ADARB2: variants seen among roughly 807,000 people sequenced by gnomAD.
ADARB2 encodes adenosine deaminase RNA specific B2 (inactive).
ADARB2 carries 25 observed loss-of-function variants against 62.2 expected under a neutral mutation model. The observed-to-expected ratio is 0.40, with a 90% CI of 0.29 to 0.56. The LOEUF (loss-of-function observed/expected upper bound fraction) is 0.56. Ranked by LOEUF, ADARB2 falls within the 20% of genes least tolerant of loss-of-function variation. The pLI is 0.43. For missense variants in ADARB2, 1,071 were observed against 1,077.4 expected (o/e 0.99, Z 0.08); for synonymous variants, 572 against 500.8 (o/e 1.14, Z -1.90).
chr10:1,563,156 TC>T (rs1321098720), intron 1 of ADARB2, among the ~76,000 whole-genome samples: 1 of 151,906 alleles, frequency 6.6e-6, no homozygotes, highest in Non-Finnish European at 1.5e-5. Context: ...ACATGTGACC[TC>T]CCGCACCCTT....
At chr10:1,266,325 C>G (rs536881516) in intron 4 of ADARB2, among the ~76,000 whole-genome samples, 10 of 152,242 alleles carry the variant, frequency 6.6e-5, no homozygotes, top group Non-Finnish European at 1.3e-4. Context: ...ATAGGGCTCA[C>G]TGGATTATTT....
At chr10:1,296,181 C>G (rs1831521516) in intron 3 of ADARB2, among the ~76,000 whole-genome samples, 1 of 152,208 alleles carries the variant, frequency 6.6e-6, no homozygotes, top group Non-Finnish European at 1.5e-5. Context: ...GTCCCACTGG[C>G]CTAAGCAGGA....
intron 1 of ADARB2, among the ~76,000 whole-genome samples, chr10:1,402,105 A>G (rs995966384): frequency 6.6e-6 from 1 of 152,200 alleles, no homozygotes; most frequent in African/African-American, 2.4e-5. Flanking sequence ...CTGGGGTGTC[A>G]TGAGGCCTGG....
chr10:1,472,833 G>A (rs908999297), intron 1 of ADARB2, among the ~76,000 whole-genome samples: 1 of 152,200 alleles, frequency 6.6e-6, no homozygotes, highest in African/African-American at 2.4e-5. Flanking sequence ...GGGCAGGAGA[G>A]GGCTCCCACA....
chr10:1,699,231 C>T lies in ADARB2; in HGVS notation c.100+37820G>A, dbSNP rs190504186. On this transcript the variant is annotated intron_variant, in intron 1 of 9. Transcript: ENST00000381312. ...AATCCCACTCTACCAGGAGACCAGGCGCTCGCCAATACACTCAATCCCACT... is the reference window on the plus strand; with the variant it reads ...AATCCCACTCTACCAGGAGACCAGGTGCTCGCCAATACACTCAATCCCACT... 3.4e-4 allele frequency among the ~76,000 whole-genome samples: 51 copies of T among 147,966 alleles called. 1 individual carries two copies. The highest frequency in any genetic ancestry group is 1.1e-3 in the South Asian group (5 of 4,526).
At chr10:1,596,824 A>G (rs1462772665) in intron 1 of ADARB2, among the ~76,000 whole-genome samples, 1 of 152,226 alleles carries the variant, frequency 6.6e-6, no homozygotes. Flanking sequence ...GGTGTCCCGC[A>G]GCAGGAGGGA....
At chr10:1,232,321 C>T (rs192629350) in intron 6 of ADARB2, among the ~76,000 whole-genome samples, 16 of 152,058 alleles carry the variant, frequency 1.1e-4, no homozygotes, top group African/African-American at 3.6e-4. Context: ...TGGTGTATGT[C>T]GTATACATGT....
chr10:1,241,069 G>C (rs1313695742), intron 5 of ADARB2, among the ~76,000 whole-genome samples: 1 of 152,162 alleles, frequency 6.6e-6, no homozygotes, highest in Non-Finnish European at 1.5e-5. Context: ...TTAGGAGTTT[G>C]ACAACGTGAT....
intron 3 of ADARB2, among the ~76,000 whole-genome samples, chr10:1,332,805 C>A (rs1171933032): frequency 6.6e-6 from 1 of 152,198 alleles, no homozygotes; most frequent in African/African-American, 2.4e-5. Flanking sequence ...AACCCCAAAG[C>A]TTCATGTGAT....
intron 1 of ADARB2, among the ~76,000 whole-genome samples, chr10:1,381,420 G>A (rs1179000769): frequency 6.6e-6 from 1 of 152,256 alleles, no homozygotes; most frequent in African/African-American, 2.4e-5. Context: ...AGAAGATAAT[G>A]TGTTGGTGAG....
At chr10:1,326,969 C>A (rs367839525) in intron 3 of ADARB2, among the ~76,000 whole-genome samples, 881 of 4,056 alleles carry the variant, frequency 0.22, 68 homozygotes, top group East Asian at 0.46. Flanking sequence ...TCCCCACGGC[C>A]CAGCGCCTCC....
chr10:1,434,705 T>C (rs1471087375), intron 1 of ADARB2, among the ~76,000 whole-genome samples: 1 of 152,296 alleles, frequency 6.6e-6, no homozygotes, highest in South Asian at 2.1e-4. Context: ...ACCATTTAGA[T>C]GACGTAAACT....
chr10:1,505,387 T>TG (rs1831832100), intron 1 of ADARB2, among the ~76,000 whole-genome samples: 1 of 151,928 alleles, frequency 6.6e-6, no homozygotes, highest in Non-Finnish European at 1.5e-5. Flanking sequence ...TTTTTGTTTT[T>TG]TTTTTTTTTG....
At chr10:1,281,688 T>G (rs1251240753) in intron 3 of ADARB2, among the ~76,000 whole-genome samples, 1 of 152,188 alleles carries the variant, frequency 6.6e-6, no homozygotes, top group Admixed American at 6.5e-5. Context: ...CAGGGCTGCA[T>G]GGGGAGGATG....
chr10:1,362,950 C>T, intron 3 of ADARB2, 78 bp downstream of exon 3: 2 of 1,230,572 alleles, frequency 1.6e-6, no homozygotes, highest in Non-Finnish European at 2.1e-6. Context: ...CTGGACGCCA[C>T]TCCCAACAGG....
In ADARB2 at chr10:1,379,173, G is replaced by A; in HGVS notation, c.101-13C>T. 6.3e-7 allele frequency: 1 copy of A among 1,597,038 alleles called. No individual in the cohort carries two copies. Among genetic ancestry groups the A allele is most frequent in the Non-Finnish European group, 8.6e-7 (1 of 1,164,798 alleles). On this transcript the variant is annotated splice_polypyrimidine_tract_variant and intron_variant, in intron 1 of 9. Transcript: ENST00000381312. ...ATGCTTACTTTATCTGGAAAGAAAA[G>A]AACAGGAAATGCACTTTTGACATGG... is the stretch of plus-strand genomic sequence containing the variant.
At chr10:1,724,181 G>A (rs1451360253) in intron 1 of ADARB2, among the ~76,000 whole-genome samples, 1 of 152,214 alleles carries the variant, frequency 6.6e-6, no homozygotes, top group African/African-American at 2.4e-5. Context: ...GTGCAGCCAA[G>A]ATTAAAAGCA....
At chr10:1,231,086 G>T (rs11250351) in intron 6 of ADARB2, among the ~76,000 whole-genome samples, 1 of 152,086 alleles carries the variant, frequency 6.6e-6, no homozygotes, top group African/African-American at 2.4e-5. Context: ...CAGTGGACTA[G>T]AACTGTCCCC....
chr10:1,276,749 A>G (rs1005748746), intron 3 of ADARB2, among the ~76,000 whole-genome samples: 20 of 152,346 alleles, frequency 1.3e-4, no homozygotes, highest in Middle Eastern at 3.4e-3. Context: ...CTCTGCACCA[A>G]GCAGACCTAA....
Sources: gnomAD v4.1 joint callset for allele counts (sites outside exome capture counted in the v4.1 genomes callset) on GRCh38, gnomAD v4.1.1 for gene constraint, MANE v1.5 for transcripts, NCBI Gene and HGNC (gene_info 2026-07-23, HGNC 2026-07-21) for gene names.